The following HTRA1 variants were observed in gnomAD, a reference collection of about 807,000 sequenced individuals.
The protein encoded by HTRA1 is HtrA serine peptidase 1, also known as serine protease HTRA1.
A neutral mutation model predicts 49.7 loss-of-function variants in HTRA1; 26 were observed. The observed-to-expected ratio is 0.52, with a 90% confidence interval of 0.38 to 0.73. The LOEUF (loss-of-function observed/expected upper bound fraction) is 0.73. Among genes scored for constraint, HTRA1 ranks in the 30% least tolerant of loss-of-function variants. The probability of loss-of-function intolerance (pLI) is 0.00; values close to 1 mark genes in which losing one functional copy is unlikely to be tolerated. For missense variants in HTRA1, 561 were observed against 667.2 expected, an observed-to-expected ratio of 0.84 and a Z score of 1.75; for synonymous variants, 291 against 286.9, an observed-to-expected ratio of 1.01 and a Z score of -0.14.
In HTRA1 at chr10:122,512,002, A is replaced by T; in HGVS notation, c.1211A>T (p.Asp404Val). ...KAKELKDRHRDFPDVISGAYI... is the reference protein window; with the variant it reads ...KAKELKDRHRVFPDVISGAYI... ...AAAGAGCTGAAGGACCGGCACCGGG[A>T]CTTCCCAGACGTGATCTCAGGAGCG... Residue 404 changes from aspartate to valine, a missense_variant, in exon 8 of 9, where the codon GAC becomes GTC. Asp to Val is a radical substitution (Grantham distance 152, BLOSUM62 -3). Coordinates refer to ENST00000368984, the MANE Select transcript of HTRA1 (RefSeq NM_002775.5). 6.2e-7 allele frequency: 1 copy of T among 1,613,986 alleles called. No homozygotes were observed. The highest frequency in any genetic ancestry group is 8.5e-7 in the Non-Finnish European group (1 of 1,179,962).
chr10:122,501,433 T>A (rs1214612095), intron 3 of HTRA1, among the ~76,000 whole-genome samples: 1 of 151,672 alleles, frequency 6.6e-6, no homozygotes, highest in African/African-American at 2.4e-5. Flanking sequence ...ACTTGTAGAG[T>A]CTTTTCTAAA....
chr10:122,496,301 G>GC (rs1240404132), intron 3 of HTRA1, among the ~76,000 whole-genome samples: 1 of 131,206 alleles, frequency 7.6e-6, no homozygotes, highest in Non-Finnish European at 1.6e-5. Context: ...GCAGAGGGAG[G>GC]CCTTATTTTT....
chr10:122,489,301 C>T, intron 2 of HTRA1, 121 bp from the exon 3 acceptor site: 1 of 984,874 alleles, frequency 1.0e-6, no homozygotes, highest in South Asian at 1.3e-5. Context: ...AAATGCTAAG[C>T]CCGATATATA....
At chr10:122,476,964 C>CTTTTTTTT (rs36120668) in intron 1 of HTRA1, among the ~76,000 whole-genome samples, 1 of 104,000 alleles carries the variant, frequency 9.6e-6, no homozygotes, top group Non-Finnish European at 1.9e-5. Flanking sequence ...TTTATAGTTA[C>CTTTTTTTT]TTTTTTTTTT....
At chr10:122,486,007 T>C (rs1251233779) in intron 1 of HTRA1, among the ~76,000 whole-genome samples, 1 of 152,202 alleles carries the variant, frequency 6.6e-6, no homozygotes, top group Non-Finnish European at 1.5e-5. Flanking sequence ...CATTCCCTTA[T>C]TTACACCTCC....
At chr10:122,511,087 C>T (rs774937996) in intron 7 of HTRA1, among the ~76,000 whole-genome samples, 2 of 152,166 alleles carry the variant, frequency 1.3e-5, no homozygotes, top group African/African-American at 2.4e-5. Context: ...CTGAGTGCCT[C>T]AGTTTCCTCC....
chr10:122,507,981 C>T (rs182000597), intron 5 of HTRA1, among the ~76,000 whole-genome samples: 24 of 152,134 alleles, frequency 1.6e-4, no homozygotes, highest in Admixed American at 9.8e-4. Context: ...TTATAGAGGG[C>T]AGCTCTGGGG....
intron 3 of HTRA1, among the ~76,000 whole-genome samples, chr10:122,491,608 T>C (rs2133439976): frequency 6.6e-6 from 1 of 152,334 alleles, no homozygotes; most frequent in Non-Finnish European, 1.5e-5. Context: ...GGGGATATTC[T>C]TTTCCAATTT....
chr10:122,491,006 A>C (rs2097495540), intron 3 of HTRA1, among the ~76,000 whole-genome samples: 1 of 152,154 alleles, frequency 6.6e-6, no homozygotes, highest in African/African-American at 2.4e-5. Flanking sequence ...GGTGTGTGTA[A>C]CTGGCCTTGA....
chr10:122,489,760 C>G, intron 3 of HTRA1, 134 bp downstream of exon 3: 1 of 834,524 alleles, frequency 1.2e-6, no homozygotes, highest in South Asian at 1.4e-5. Flanking sequence ...ACAGGAGGGC[C>G]TTGAGGAGAT....
At chr10:122,502,756 G>A (rs1461008415) in intron 3 of HTRA1, among the ~76,000 whole-genome samples, 1 of 152,284 alleles carries the variant, frequency 6.6e-6, no homozygotes, top group East Asian at 1.9e-4. Flanking sequence ...GTCCCCAAAG[G>A]TTTTGCACCA....
At chr10:122,479,381 A>G (rs1207267858) in intron 1 of HTRA1, among the ~76,000 whole-genome samples, 2 of 152,156 alleles carry the variant, frequency 1.3e-5, no homozygotes, top group Admixed American at 6.5e-5. Context: ...TTAGGGCAAC[A>G]TGATTTAATT....
chr10:122,492,733 C>G (rs2097496511), intron 3 of HTRA1, among the ~76,000 whole-genome samples: 1 of 152,204 alleles, frequency 6.6e-6, no homozygotes, highest in Non-Finnish European at 1.5e-5. Flanking sequence ...TTTCTGGCAG[C>G]AACAGCCGGC....
chr10:122,464,305 C>T lies in HTRA1; in HGVS notation c.472+2181C>T, dbSNP rs1171693328. ...GGCTGAGTCCCTGTGTGGAGGAAAA[C>T]AGGTCCCCCATTGGCCATCGGGCTC... On this transcript the variant is annotated intron_variant, in intron 1 of 8. Coordinates refer to ENST00000368984, the MANE Select transcript of HTRA1 (RefSeq NM_002775.5). This position sits in a 1 kb window ranked among gnomAD's most constrained non-coding sequence, Gnocchi z 4.8. Among the ~76,000 whole-genome samples, 2 of 152,136 alleles carry T rather than the reference C, an allele frequency of 1.3e-5. No homozygotes were observed. The highest frequency in any genetic ancestry group is 4.8e-5 in the African/African-American group (2 of 41,426).
At position 122,506,573 on chromosome 10, in the gene HTRA1, G is replaced by A. The variant is rs1353546848; in HGVS notation, c.778-118G>A. The A allele has an allele frequency of 1.2e-5, 10 of 860,734 alleles. No individual in the cohort carries two copies. Among genetic ancestry groups the A allele is most frequent in the East Asian group, 1.0e-4 (4 of 39,626 alleles). The allele number at this position is 860,734 out of a possible 1,614,324, so 53.3% of individuals were successfully genotyped here. A position where few individuals can be genotyped will look rare whatever the true frequency, so the allele number is the denominator to read the frequency against. On this transcript the variant is annotated intron_variant, in intron 3 of 8. Transcript: ENST00000368984. This position sits in a 1 kb window ranked among gnomAD's most constrained non-coding sequence, Gnocchi z 5.2. Reference sequence around the variant, plus strand: ...TTAGTTGTGAGCTCAGTTCCCCACCGGGCCTGGTGTTTCCAAATAGCCCGT... The same window carrying A: ...TTAGTTGTGAGCTCAGTTCCCCACCAGGCCTGGTGTTTCCAAATAGCCCGT...
intron 1 of HTRA1, among the ~76,000 whole-genome samples, chr10:122,471,220 C>T (rs2097485993): frequency 6.6e-6 from 1 of 152,132 alleles, no homozygotes; most frequent in African/African-American, 2.4e-5. Context: ...AAAAATATAG[C>T]CCAGTGTGGT....
Position 122,488,946 on chromosome 10 carries a change from G to T in HTRA1, c.517G>T (p.Ala173Ser), listed in dbSNP as rs781563777. Reference sequence around the variant, plus strand: ...TTTGCGCCATAAATATAACTTTATCGCGGACGTGGTGGAGAAGATCGCCCC... The same window carrying T: ...TTTGCGCCATAAATATAACTTTATCTCGGACGTGGTGGAGAAGATCGCCCC... ...NSLRHKYNFI[A>S]DVVEKIAPAV... The change falls in exon 2 of 9, where the codon GCG becomes TCG. Residue 173 changes from alanine (A) to serine (S), a missense_variant. Physicochemically the swap from Ala to Ser is moderately conservative, Grantham distance 99. Transcript: ENST00000368984. 6.8e-6 allele frequency: 11 copies of T among 1,614,160 alleles called. No individual in the cohort carries two copies. In the Admixed American group the frequency reaches 1.2e-4, roughly 17 times the overall value.
intron 1 of HTRA1, among the ~76,000 whole-genome samples, chr10:122,476,343 C>T (rs1489325115): frequency 6.6e-6 from 1 of 152,182 alleles, no homozygotes; most frequent in African/African-American, 2.4e-5. Flanking sequence ...TCATCCTTGG[C>T]CTCCCGAATG....
intron 1 of HTRA1, among the ~76,000 whole-genome samples, chr10:122,469,985 G>A (rs73367776): frequency 6.2e-4 from 95 of 152,180 alleles, no homozygotes; most frequent in African/African-American, 2.1e-3. Flanking sequence ...TGTATTTTCT[G>A]GTCTAGAATG....
Sources: allele counts gnomAD v4.1 joint callset (sites outside exome capture counted in the v4.1 genomes callset), GRCh38; gene constraint gnomAD v4.1.1; non-coding constraint Gnocchi (gnomAD v3.1); transcripts MANE v1.5; gene names NCBI Gene and HGNC (gene_info 2026-07-23, HGNC 2026-07-21).